PTPRG: variants seen among roughly 807,000 people sequenced by gnomAD.
PTPRG encodes protein tyrosine phosphatase receptor type G, also known as receptor-type tyrosine-protein phosphatase gamma.
Under a neutral mutation model 165.3 loss-of-function variants are expected in PTPRG, and 102 were observed. The observed-to-expected ratio is 0.62, with a 90% CI of 0.53 to 0.73. The LOEUF is 0.73. Among genes scored for constraint, PTPRG ranks in the 30% least tolerant of loss-of-function variants. PTPRG has a pLI of 0.00. For synonymous variants in PTPRG, 675 were observed against 669.5 expected (o/e 1.01, Z -0.13); for missense variants, 1,866 against 1,861.4 (o/e 1.00, Z -0.05).
At chr3:61,744,576 G>C (rs776789612) in intron 1 of PTPRG, among the ~76,000 whole-genome samples, 9 of 152,130 alleles carry the variant, frequency 5.9e-5, no homozygotes, top group Non-Finnish European at 8.8e-5. Flanking sequence ...CATGGGACCA[G>C]CATCATATAT....
chr3:61,973,299 C>G (rs1451810983), intron 2 of PTPRG, among the ~76,000 whole-genome samples: 1 of 152,180 alleles, frequency 6.6e-6, no homozygotes, highest in East Asian at 1.9e-4. Flanking sequence ...TTTTGGAAAT[C>G]ACTAAGCATT....
At chr3:61,837,895 A>G (rs983346992) in intron 2 of PTPRG, among the ~76,000 whole-genome samples, 1 of 152,144 alleles carries the variant, frequency 6.6e-6, no homozygotes, top group African/African-American at 2.4e-5. Context: ...GGAGATGGCC[A>G]CCTTCTCTGT....
Position 62,228,207 on chromosome 3 carries a change from T to C in PTPRG, c.2289-3018T>C, listed in dbSNP as rs1222848868. ...AGGATTTCTCGGAGGAGAGAATGTT[T>C]GGACTGTATTTTTTACAAAACAAAG... On this transcript the variant is annotated intron_variant, in intron 13 of 29. Transcript: ENST00000474889. The surrounding 1 kb of genome is among the most constrained non-coding windows in gnomAD (Gnocchi z 4.1). Among the ~76,000 whole-genome samples the C allele has an allele frequency of 1.3e-5, 2 of 152,048 alleles. No homozygotes were observed. The highest frequency in any genetic ancestry group is 2.9e-5 in the Non-Finnish European group (2 of 67,996).
intron 16 of PTPRG, among the ~76,000 whole-genome samples, chr3:62,261,392 A>G (rs1038052420): frequency 1.3e-5 from 2 of 152,230 alleles, no homozygotes; most frequent in Non-Finnish European, 2.9e-5. Context: ...ACGTAGACTG[A>G]TTTGTGATCA....
chr3:61,934,984 C>T (rs188554496), intron 2 of PTPRG, among the ~76,000 whole-genome samples: 11 of 152,204 alleles, frequency 7.2e-5, no homozygotes, highest in South Asian at 4.2e-4. Flanking sequence ...TTCTTGAGTG[C>T]GGAGTTCCCA....
Position 61,782,454 on chromosome 3 carries a change from C to A in PTPRG, c.190+33472C>A, listed in dbSNP as rs144950552. On this transcript the variant is annotated intron_variant, in intron 2 of 29. Coordinates refer to ENST00000474889, the MANE Select transcript of PTPRG (RefSeq NM_002841.4). Reference sequence around the variant, plus strand: ...GTGAACCATCAGCCAGGCTGATGAACCCTGCCTTCACAAAACTTGGTATGA... The same window carrying A: ...GTGAACCATCAGCCAGGCTGATGAAACCTGCCTTCACAAAACTTGGTATGA... Among the ~76,000 whole-genome samples the A allele has an allele frequency of 4.6e-3, 695 of 152,284 alleles. 3 individuals are homozygous for A. The highest frequency in any genetic ancestry group is 8.0e-3 in the Non-Finnish European group (542 of 68,020).
intron 1 of PTPRG, among the ~76,000 whole-genome samples, chr3:61,708,380 G>A (rs561491997): frequency 1.6e-4 from 24 of 151,526 alleles, no homozygotes; most frequent in Non-Finnish European, 3.4e-4. Flanking sequence ...CAGCCCAACT[G>A]GGGGATCATT....
chr3:61,873,031 C>CT (rs1404838691), intron 2 of PTPRG, among the ~76,000 whole-genome samples: 5 of 151,316 alleles, frequency 3.3e-5, no homozygotes, highest in African/African-American at 7.3e-5. Context: ...GATTCTTTTT[C>CT]TTTTTTTTTG....
intron 2 of PTPRG, among the ~76,000 whole-genome samples, chr3:61,856,888 A>T (rs1425625829): frequency 6.6e-6 from 1 of 152,150 alleles, no homozygotes; most frequent in Admixed American, 6.6e-5. Context: ...CAGAGGGTAA[A>T]CCATTTAAAG....
intron 2 of PTPRG, among the ~76,000 whole-genome samples, chr3:61,983,651 T>G (rs566168315): frequency 3.9e-5 from 6 of 152,290 alleles, no homozygotes; most frequent in African/African-American, 1.4e-4. Context: ...AACCACTGTT[T>G]GGAACATGAA....
chr3:61,923,684 T>G (rs1371294552), intron 2 of PTPRG, among the ~76,000 whole-genome samples: 1 of 138,286 alleles, frequency 7.2e-6, no homozygotes, highest in Non-Finnish European at 1.5e-5. Context: ...GTCCAGTTTA[T>G]TTTTTGTATT....
intron 1 of PTPRG, among the ~76,000 whole-genome samples, chr3:61,667,889 T>C (rs1340094380): frequency 5.9e-5 from 9 of 152,168 alleles, no homozygotes; most frequent in African/African-American, 2.2e-4. Context: ...TGGCAAACCA[T>C]GGCCCATGGG....
chr3:62,065,634 C>T (rs1700986860), intron 4 of PTPRG, among the ~76,000 whole-genome samples: 1 of 152,158 alleles, frequency 6.6e-6, no homozygotes, highest in Non-Finnish European at 1.5e-5. Context: ...GTATTTTCTC[C>T]TGTGTGGGAA....
chr3:61,704,210 C>T (rs1318932668), intron 1 of PTPRG, among the ~76,000 whole-genome samples: 1 of 152,034 alleles, frequency 6.6e-6, no homozygotes, highest in Non-Finnish European at 1.5e-5. Context: ...TTTTTGTGGG[C>T]CAGTTACTAA....
intron 1 of PTPRG, among the ~76,000 whole-genome samples, chr3:61,611,867 T>C (rs972381197): frequency 9.8e-5 from 15 of 152,356 alleles, no homozygotes; most frequent in South Asian, 6.2e-4. Context: ...TATTTAAAAA[T>C]ATAAAAATCC....
At chr3:62,109,568 T>C (rs1001273340) in intron 5 of PTPRG, among the ~76,000 whole-genome samples, 10 of 152,134 alleles carry the variant, frequency 6.6e-5, no homozygotes, top group African/African-American at 2.4e-4. Context: ...GTAGTTTTTT[T>C]CCCACATTCC....
At chr3:61,738,290 A>ATG (rs1559583237) in intron 1 of PTPRG, among the ~76,000 whole-genome samples, 2 of 69,532 alleles carry the variant, frequency 2.9e-5, no homozygotes, top group African/African-American at 6.0e-5. Flanking sequence ...ATATATATAT[A>ATG]TATATATATA....
intron 2 of PTPRG, among the ~76,000 whole-genome samples, chr3:61,897,949 T>C (rs1261152812): frequency 6.6e-6 from 1 of 152,178 alleles, no homozygotes; most frequent in East Asian, 1.9e-4. Flanking sequence ...TTTTTTTTCA[T>C]GGATTCCTTG....
At chr3:62,010,238 G>T (rs944655441) in intron 4 of PTPRG, among the ~76,000 whole-genome samples, 113 of 152,242 alleles carry the variant, frequency 7.4e-4, no homozygotes, top group African/African-American at 2.6e-3. Context: ...TGTGATGGAT[G>T]AAATACTTTC....
Sources: gnomAD v4.1 joint callset for allele counts (sites outside exome capture counted in the v4.1 genomes callset) on GRCh38, gnomAD v4.1.1 for gene constraint, Gnocchi (gnomAD v3.1) non-coding constraint, MANE v1.5 for transcripts, NCBI Gene and HGNC (gene_info 2026-07-23, HGNC 2026-07-21) for gene names.